TMEM91: variants seen among roughly 807,000 people sequenced by gnomAD.
TMEM91 encodes the protein transmembrane protein 91, also known as dispanin subfamily C member 3.
A neutral mutation model predicts 13.3 loss-of-function variants in TMEM91; 6 were observed. That is an observed-to-expected ratio of 0.45 (90% CI 0.25 to 0.89). TMEM91 has a LOEUF of 0.89. TMEM91 is among the 40% of genes least tolerant of loss of function. The pLI is 0.19. For synonymous variants in TMEM91, 87 were observed against 101.7 expected (o/e 0.86, Z 0.87); for missense variants, 193 against 228.7 (o/e 0.84, Z 1.01).
Position 41,378,392 on chromosome 19 carries a change from G to C in TMEM91, c.83G>C (p.Arg28Thr). 3.1e-6 allele frequency: 5 copies of C among 1,614,236 alleles called. No homozygotes were observed. Among genetic ancestry groups the C allele is most frequent in the Non-Finnish European group, 4.2e-6 (5 of 1,180,040 alleles). ...GAGACCCCTGCCCAGAAGCCTGGCAGGCATGAGCTGGGGTCCCCCTTAAGA... is the reference window on the plus strand; with the variant it reads ...GAGACCCCTGCCCAGAAGCCTGGCACGCATGAGCTGGGGTCCCCCTTAAGA... Reference protein sequence around the residue: ...ECETPAQKPGRHELGSPLREI... With the variant: ...ECETPAQKPGTHELGSPLREI... Residue 28 changes from arginine to threonine, a missense_variant, in exon 2 of 4, where the codon AGG becomes ACG. Transcript: ENST00000392002.
intron 1 of TMEM91, chr19:41,364,272 G>T (rs2038474475): frequency 6.5e-6 from 1 of 152,862 alleles, no homozygotes; most frequent in Non-Finnish European, 1.5e-5. Flanking sequence ...CTCCATTTTG[G>T]GAAAATAGCG....
intron 1 of TMEM91, among the ~76,000 whole-genome samples, chr19:41,365,438 CCT>C (rs920894408): frequency 7.9e-5 from 12 of 152,182 alleles, no homozygotes; most frequent in Admixed American, 6.5e-4. Context: ...GGCGTCTCCC[CCT>C]GTCATCCAGG....
At chr19:41,367,257 A>G (rs540759028) in intron 1 of TMEM91, among the ~76,000 whole-genome samples, 4 of 152,374 alleles carry the variant, frequency 2.6e-5, no homozygotes, top group Non-Finnish European at 4.4e-5. Flanking sequence ...GCTATGCTGC[A>G]GGGAAGATTG....
chr19:41,365,095 A>C (rs929742173), intron 1 of TMEM91, among the ~76,000 whole-genome samples: 3 of 150,054 alleles, frequency 2.0e-5, no homozygotes, highest in African/African-American at 7.4e-5. Flanking sequence ...TATGTTGCCC[A>C]GTCTTGTCTT....
chr19:41,369,379 G>A (rs368196333), intron 1 of TMEM91, among the ~76,000 whole-genome samples: 6 of 151,842 alleles, frequency 4.0e-5, no homozygotes, highest in Admixed American at 2.0e-4. Context: ...GTATGGCCGC[G>A]CCTGGCCATC....
intron 2 of TMEM91, among the ~76,000 whole-genome samples, chr19:41,381,758 C>T (rs529641818): frequency 2.0e-5 from 3 of 151,988 alleles, no homozygotes; most frequent in East Asian, 1.9e-4. Context: ...ATGATCCTCC[C>T]GCCTTGGCCT....
chr19:41,369,279 G>C (rs2038575716), intron 1 of TMEM91, among the ~76,000 whole-genome samples: 1 of 152,116 alleles, frequency 6.6e-6, no homozygotes, highest in Admixed American at 6.5e-5. Flanking sequence ...CTGGGTTCAA[G>C]TGATTCTCCT....
At chr19:41,369,453 G>A (rs2038579098) in intron 1 of TMEM91, among the ~76,000 whole-genome samples, 1 of 149,708 alleles carries the variant, frequency 6.7e-6, no homozygotes, top group South Asian at 2.2e-4. Context: ...GCTGCAGTGA[G>A]CTATGATGGC....
intron 1 of TMEM91, among the ~76,000 whole-genome samples, chr19:41,368,464 C>T (rs1225101617): frequency 2.6e-5 from 4 of 150,976 alleles, no homozygotes; most frequent in South Asian, 4.2e-4. Flanking sequence ...GACAGAGTCT[C>T]GTTCTGTGGG....
Position 41,383,891 on chromosome 19 carries a change from A to C in TMEM91, c.*18A>C. ...CGCCCTAGTTGCCCCTACAGCCCTC[A>C]CTGTGAACCCTGAGGCCGGCAGCCC... On this transcript the variant is annotated 3_prime_UTR_variant, in exon 4 of 4. Transcript: ENST00000392002. 6.3e-7 allele frequency: 1 copy of C among 1,597,134 alleles called. No individual in the cohort carries two copies.
intron 1 of TMEM91, among the ~76,000 whole-genome samples, chr19:41,371,358 C>CTTCCTTCCTTCT (rs1394682390): frequency 1.4e-5 from 2 of 146,426 alleles, no homozygotes; most frequent in Admixed American, 6.8e-5. Context: ...TCCTTCCTTC[C>CTTCCTTCCTTCT]TTCCTTCCTT....
intron 3 of TMEM91, chr19:41,383,252 C>T: frequency 2.6e-6 from 1 of 387,898 alleles, no homozygotes; most frequent in South Asian, 6.6e-5. Context: ...CGGGGTTTCA[C>T]CACGTTGGCC....
intron 2 of TMEM91, among the ~76,000 whole-genome samples, chr19:41,380,499 GCGCTGT>G (rs2038853344): frequency 1.3e-5 from 2 of 152,158 alleles, no homozygotes; most frequent in Non-Finnish European, 2.9e-5. Context: ...GTGGGGCCGG[GCGCTGT>G]GGCTCATGCC....
chr19:41,383,385 T>A (rs2038937686), intron 3 of TMEM91: 1 of 792,434 alleles, frequency 1.3e-6, no homozygotes, highest in Admixed American at 3.9e-5. Context: ...TCACTTAACT[T>A]CCCTGTGCCT....
In TMEM91 at chr19:41,384,007, A is replaced by T; in HGVS notation, c.*134A>T. On this transcript the variant is annotated 3_prime_UTR_variant, in exon 4 of 4. Transcript: ENST00000392002. ...TAGAAACGGGAGCGAGCTGGACTGG[A>T]ACCCTTCCCCTTCCTGGCCACCGCT... 1 of 1,428,692 alleles carries T rather than the reference A, an allele frequency of 7.0e-7. No individual in the cohort carries two copies. The allele number at this position is 1,428,692 out of a possible 1,614,324, so 88.5% of individuals were successfully genotyped here.
intron 1 of TMEM91, among the ~76,000 whole-genome samples, chr19:41,364,691 T>A (rs2038485113): frequency 6.6e-6 from 1 of 152,034 alleles, no homozygotes; most frequent in South Asian, 2.1e-4. Context: ...TACTACCAAG[T>A]TCACTGTTAC....
At chr19:41,370,198 C>T (rs1423384020) in intron 1 of TMEM91, among the ~76,000 whole-genome samples, 3 of 152,094 alleles carry the variant, frequency 2.0e-5, no homozygotes, top group Admixed American at 2.0e-4. Flanking sequence ...CCACCTCAGC[C>T]TCCCGAGTAA....
chr19:41,383,542 G>GT, intron 3 of TMEM91, 173 bp from the exon 4 acceptor site: 1 of 1,575,934 alleles, frequency 6.3e-7, no homozygotes, highest in Non-Finnish European at 8.6e-7. Flanking sequence ...CCATTTTAAT[G>GT]TTTTTATTAA....
At chr19:41,383,515 ATTAT>A in intron 3 of TMEM91, 196 bp from the exon 4 acceptor site, 1 of 1,451,542 alleles carries the variant, frequency 6.9e-7, no homozygotes, top group Middle Eastern at 2.3e-4. Context: ...AAAATTTATT[ATTAT>A]TATTATTTTT....
Sources: gnomAD v4.1 joint callset for allele counts (sites outside exome capture counted in the v4.1 genomes callset) on GRCh38, gnomAD v4.1.1 for gene constraint, MANE v1.5 for transcripts, NCBI Gene and HGNC (gene_info 2026-07-23, HGNC 2026-07-21) for gene names.